CMAS: variants seen among roughly 807,000 people sequenced by gnomAD.
The protein encoded by CMAS is cytidine monophosphate N-acetylneuraminic acid synthetase.
CMAS carries 21 observed loss-of-function variants against 53.4 expected under a neutral mutation model. The ratio of observed to expected loss-of-function variants is 0.39; its 90% confidence interval spans 0.28 to 0.57. CMAS has a LOEUF of 0.57. CMAS is among the 20% of genes least tolerant of loss of function. The pLI is 0.56. For synonymous variants in CMAS, 189 were observed against 195.2 expected (o/e 0.97, Z 0.27); for missense variants, 384 against 534.9 (o/e 0.72, Z 2.78).
Position 22,046,569 on chromosome 12 carries a change from C to T in CMAS, c.260+6C>T. 6.5e-7 allele frequency: 1 copy of T among 1,549,972 alleles called. No individual in the cohort carries two copies. Among genetic ancestry groups the T allele is most frequent in the South Asian group, 1.2e-5 (1 of 83,510 alleles). On this transcript the variant is annotated splice_donor_region_variant and intron_variant, in intron 1 of 7. Coordinates refer to ENST00000229329, the MANE Select transcript of CMAS (RefSeq NM_018686.6). ...GATTCAGGGGCCTTCCAGAGGTGCG[C>T]ATGTGCGAGAGTGGGCGGCGCGGCC...
In CMAS at chr12:22,046,430, C is replaced by G. The variant is rs1354134973; in HGVS notation, c.127C>G (p.Pro43Ala). ...CCAGGGCCGAGGTGTGGAGAAGCCC[C>G]CGCACCTGGCAGCCCTAATTCTGGC... Reference protein sequence around the residue: ...GGQGRGVEKPPHLAALILARG... With the variant: ...GGQGRGVEKPAHLAALILARG... The change falls in exon 1 of 8, where the codon CCG (proline) becomes GCG (alanine). Residue 43 changes from proline to alanine, a missense_variant. Physicochemically the swap from Pro to Ala is conservative, Grantham distance 27 (BLOSUM62 -1). This residue lies in a region of CMAS where 111 missense variants were observed against 132.2 expected (regional missense o/e 0.84). Transcript: ENST00000229329. 4 of 1,607,838 alleles carry G rather than the reference C, an allele frequency of 2.5e-6. No homozygotes were observed. Among genetic ancestry groups the G allele is most frequent in the African/African-American group, 1.3e-5 (1 of 74,636 alleles).
chr12:22,059,856 ATGAAAT>A (rs1393080194), intron 4 of CMAS, among the ~76,000 whole-genome samples: 2 of 151,964 alleles, frequency 1.3e-5, no homozygotes, highest in East Asian at 1.9e-4. Context: ...GAAAAAAAAA[ATGAAAT>A]TGAAATTGTC....
chr12:22,052,280 A>G (rs1950242550), intron 1 of CMAS, among the ~76,000 whole-genome samples: 1 of 152,172 alleles, frequency 6.6e-6, no homozygotes, highest in Non-Finnish European at 1.5e-5. Context: ...AAAATAAACT[A>G]TGCTCTATAT....
chr12:22,059,148 ATTTTT>A lies in CMAS; in HGVS notation c.693+459_693+463del, dbSNP rs10615874. Among the ~76,000 whole-genome samples the A allele has an allele frequency of 9.9e-3, 1,386 of 139,818 alleles. 24 individuals carry two copies. The highest frequency in any genetic ancestry group is 0.035 in the African/African-American group (1,324 of 37,350). 91.7% of individuals were successfully genotyped at this position (139,818 alleles called of 152,430 possible). A position where few individuals can be genotyped will look rare whatever the true frequency, so the allele number is the denominator to read the frequency against. On this transcript the variant is annotated intron_variant, in intron 4 of 7. Coordinates refer to ENST00000229329, the MANE Select transcript of CMAS (RefSeq NM_018686.6). Reference sequence around the variant, plus strand: ...TCTTTTTATATATATATATATATATATTTTTTTTTTTTTTTATTATACTTTAAGTC... The same window carrying A: ...TCTTTTTATATATATATATATATATATTTTTTTTTTATTATACTTTAAGTC...
intron 6 of CMAS, among the ~76,000 whole-genome samples, 169 bp from the exon 7 acceptor site, chr12:22,062,112 T>G (rs1950311843): frequency 6.6e-6 from 1 of 152,220 alleles, no homozygotes; most frequent in African/African-American, 2.4e-5. Flanking sequence ...TAAAGCATCA[T>G]GATTTTAATT....
chr12:22,051,060 A>G (rs1950237650), intron 1 of CMAS, among the ~76,000 whole-genome samples: 1 of 152,164 alleles, frequency 6.6e-6, no homozygotes, highest in Non-Finnish European at 1.5e-5. Context: ...GGGCTCGAAG[A>G]TACCTTTGAG....
At chr12:22,060,305 GTTAT>G (rs1261975601) in intron 4 of CMAS, among the ~76,000 whole-genome samples, 1 of 125,240 alleles carries the variant, frequency 8.0e-6, no homozygotes, top group Non-Finnish European at 1.6e-5. Flanking sequence ...AAATGTTAAG[GTTAT>G]TTCTTTTGTG....
chr12:22,049,414 A>G (rs781091737), intron 1 of CMAS, among the ~76,000 whole-genome samples: 1 of 152,190 alleles, frequency 6.6e-6, no homozygotes, highest in Non-Finnish European at 1.5e-5. Context: ...AAATATGTAT[A>G]TATATTGACC....
At chr12:22,060,983 A>T in intron 5 of CMAS, 57 bp downstream of exon 5, 1 of 1,060,490 alleles carries the variant, frequency 9.4e-7, no homozygotes, top group East Asian at 2.4e-5. Context: ...TTATATTTCT[A>T]GATACTGATT....
intron 1 of CMAS, among the ~76,000 whole-genome samples, chr12:22,050,098 T>A (rs1045084994): frequency 3.3e-5 from 5 of 152,198 alleles, no homozygotes; most frequent in African/African-American, 1.2e-4. Context: ...CCATGAAGCC[T>A]TTACTGATCC....
In CMAS at chr12:22,065,640, A is replaced by G. The variant is rs1214706614; in HGVS notation, c.*329A>G. The G allele has an allele frequency of 1.2e-5, 2 of 172,982 alleles. No homozygotes were observed. Among genetic ancestry groups the G allele is most frequent in the African/African-American group, 4.7e-5 (2 of 42,352 alleles). The allele number at this position is 172,982 out of a possible 1,614,324, so 10.7% of individuals were successfully genotyped here. A position where few individuals can be genotyped will look rare whatever the true frequency, so the allele number is the denominator to read the frequency against. On this transcript the variant is annotated 3_prime_UTR_variant, in exon 8 of 8. Coordinates refer to ENST00000229329, the MANE Select transcript of CMAS (RefSeq NM_018686.6). The stretch of plus-strand genomic sequence containing the variant: ...TGTGTATGGTAAGACATGCCCTTCT[A>G]TTAATAAAACTACATTTCTCAAACT...
At position 22,060,608 on chromosome 12, in the gene CMAS, T is replaced by C. The variant is rs868467315; in HGVS notation, c.694-224T>C. On this transcript the variant is annotated intron_variant, in intron 4 of 7. Transcript: ENST00000229329. ...TTTCAAGGTTATAATGAGCTATGAT[T>C]GCACCATTGCACTCCAGCCTGGGAG... 54 of 399,298 alleles carry C rather than the reference T, an allele frequency of 1.4e-4. 1 individual carries two copies. The highest frequency in any genetic ancestry group is 9.3e-4 in the African/African-American group (46 of 49,534). The allele number at this position is 399,298 out of a possible 1,614,324, so 24.7% of individuals were successfully genotyped here.
rs926889088 is a variant in CMAS at position 22,056,611 on chromosome 12, A to G, written c.559+1001A>G. Among the ~76,000 whole-genome samples, 5 of 152,068 alleles carry G rather than the reference A, an allele frequency of 3.3e-5. No individual in the cohort carries two copies. In the East Asian group the frequency reaches 5.8e-4, roughly 18 times the overall value. ...AAGACTAAGGGATCTGATGACCACA[A>G]TACTATTATGATGTCTCCCTGCTTT... On this transcript the variant is annotated intron_variant, in intron 3 of 7. Transcript: ENST00000229329.
At chr12:22,053,650 C>T (rs533887665) in intron 1 of CMAS, among the ~76,000 whole-genome samples, 16 of 150,192 alleles carry the variant, frequency 1.1e-4, no homozygotes, top group African/African-American at 2.4e-4. Flanking sequence ...GAGGCCGAGA[C>T]GGGCGGATCA....
chr12:22,050,886 G>A (rs1027642877), intron 1 of CMAS, among the ~76,000 whole-genome samples: 1 of 151,902 alleles, frequency 6.6e-6, no homozygotes, highest in Middle Eastern at 3.4e-3. Flanking sequence ...TTATATACTA[G>A]ATCATTAAAA....
chr12:22,053,380 T>C (rs893588025), intron 1 of CMAS, among the ~76,000 whole-genome samples: 1 of 150,292 alleles, frequency 6.7e-6, no homozygotes, highest in African/African-American at 2.5e-5. Flanking sequence ...TGTGTGTATA[T>C]GTATACATAT....
rs1950341922 is a variant in CMAS, at chr12:22,065,544, G to A, written c.*233G>A. Reference sequence around the variant, plus strand: ...TAAGAACATCATCAAAGTTCACTTTGTATTGTACCCTGTAAAACTGTGTGT... The same window carrying A: ...TAAGAACATCATCAAAGTTCACTTTATATTGTACCCTGTAAAACTGTGTGT... On this transcript the variant is annotated 3_prime_UTR_variant, in exon 8 of 8. Coordinates refer to ENST00000229329, the MANE Select transcript of CMAS (RefSeq NM_018686.6). 1 of 431,842 alleles carries A rather than the reference G, an allele frequency of 2.3e-6. No homozygotes were observed. Among genetic ancestry groups the A allele is most frequent in the East Asian group, 3.8e-5 (1 of 26,080 alleles). 26.8% of individuals were successfully genotyped at this position (431,842 alleles called of 1,614,324 possible). A position where few individuals can be genotyped will look rare whatever the true frequency, so the allele number is the denominator to read the frequency against.
At chr12:22,060,333 T>TAAAAAAAACAAAAAAA (rs1950300009) in intron 4 of CMAS, among the ~76,000 whole-genome samples, 1 of 54,136 alleles carries the variant, frequency 1.8e-5, no homozygotes, top group Non-Finnish European at 3.5e-5. Context: ...GCTTTCTCCT[T>TAAAAAAAACAAAAAAA]AAAAAAAAAA....
chr12:22,049,621 T>C (rs10841928), intron 1 of CMAS, among the ~76,000 whole-genome samples: 86,820 of 152,150 alleles, frequency 0.57, 26,274 homozygotes, highest in Non-Finnish European at 0.68. Context: ...ATGGTGGCGA[T>C]TAGAAGAAAT....
Sources: gnomAD v4.1 joint callset for allele counts (sites outside exome capture counted in the v4.1 genomes callset) on GRCh38, gnomAD v4.1.1 for gene constraint, gnomAD v4.1.1 regional missense constraint, MANE v1.5 for transcripts, NCBI Gene and HGNC (gene_info 2026-07-23, HGNC 2026-07-21) for gene names.